The following ODR4 variants were observed in gnomAD, a reference collection of about 807,000 sequenced individuals.
ODR4 encodes odr-4 GPCR localization factor homolog.
Under a neutral mutation model 60.2 loss-of-function variants are expected in ODR4, and 47 were observed. The ratio of observed to expected loss-of-function variants is 0.78; its 90% CI spans 0.62 to 1.00. The LOEUF is 1.00. Among genes scored for constraint, ODR4 ranks in the 50% least tolerant of loss-of-function variants. The pLI, the probability that ODR4 is intolerant of heterozygous loss-of-function variation, is 0.00. For synonymous variants in ODR4, 178 were observed against 175.5 expected (o/e 1.01, Z -0.11); for missense variants, 488 against 530.8 (o/e 0.92, Z 0.79).
the ODR4 span, among the ~76,000 whole-genome samples, chr1:186,432,625 A>AT: frequency 1.1e-4 from 16 of 151,600 alleles, no homozygotes; most frequent in East Asian, 3.9e-4. Flanking sequence ...CTAGAAATCT[A>AT]TTTTTTTTGT....
At chr1:186,386,172 T>A (rs1198755607) in intron 4 of ODR4, 89 bp downstream of exon 4, 1 of 660,738 alleles carries the variant, frequency 1.5e-6, no homozygotes, top group Non-Finnish European at 2.3e-6. Flanking sequence ...CTAGGCATAT[T>A]TACATTTGTT....
intron 6 of ODR4, 87 bp from the exon 7 acceptor site, chr1:186,390,624 T>G: frequency 7.4e-7 from 1 of 1,356,914 alleles, no homozygotes; most frequent in Non-Finnish European, 1.0e-6. Flanking sequence ...ATGCGTTATT[T>G]AGGTTGTATA....
chr1:186,383,094 A>G lies in ODR4; in HGVS notation c.172A>G (p.Lys58Glu), dbSNP rs1369697313. The change falls in exon 3 of 14, where the codon AAA (lysine) becomes GAA (glutamate). Residue 58 changes from lysine (K) to glutamate (E), a missense_variant. Lys to Glu is a moderately conservative substitution (Grantham distance 56). Coordinates refer to ENST00000287859, the MANE Select transcript of ODR4 (RefSeq NM_017847.6). ...CAAAGAGGAGCAAAGTGAGAACCTC[A>G]AACATCCCAAAGCTAAGTTGGATAA... ...PPKEEQSENL[K>E]HPKAKLDNLD... 1 of 1,565,666 alleles carries G rather than the reference A, an allele frequency of 6.4e-7. No individual in the cohort carries two copies. Among genetic ancestry groups the G allele is most frequent in the South Asian group, 1.2e-5 (1 of 84,910 alleles).
intron 1 of ODR4, among the ~76,000 whole-genome samples, chr1:186,377,161 C>G (rs543315806): frequency 3.0e-4 from 45 of 152,118 alleles, no homozygotes; most frequent in Middle Eastern, 3.4e-3. Flanking sequence ...AATGTAAATG[C>G]TATAGTTGTT....
intron 4 of ODR4, 107 bp from the exon 5 acceptor site, chr1:186,388,335 G>C: frequency 1.6e-6 from 1 of 611,584 alleles, no homozygotes; most frequent in South Asian, 2.5e-5. Flanking sequence ...AAGAATCATG[G>C]AATTTTAAAG....
chr1:186,407,154 G>A lies in ODR4; in HGVS notation c.1186+886G>A, dbSNP rs114230556. ...AGAGCAATAAGCTTGTTTCAGTGGG[G>A]AAAATAAAATTTCTAAATTGCCCAA... On this transcript the variant is annotated intron_variant, in intron 12 of 13. Transcript: ENST00000287859. 8.8e-3 allele frequency among the ~76,000 whole-genome samples: 1,338 copies of A among 152,112 alleles called. 20 individuals are homozygous for A. Among genetic ancestry groups the A allele is most frequent in the South Asian group, 0.051 (244 of 4,812 alleles).
chr1:186,390,208 C>G (rs1249588395), intron 6 of ODR4, among the ~76,000 whole-genome samples: 1 of 152,140 alleles, frequency 6.6e-6, no homozygotes, highest in African/African-American at 2.4e-5. Flanking sequence ...TGACTGAGGA[C>G]TTTTGGTAGC....
chr1:186,396,147 C>T (rs898390870), intron 9 of ODR4, among the ~76,000 whole-genome samples: 4 of 152,270 alleles, frequency 2.6e-5, no homozygotes, highest in Middle Eastern at 3.4e-3. Flanking sequence ...AAATGGGGAT[C>T]TTCTCTTTTT....
In ODR4 at chr1:186,389,571, G is replaced by A. The variant is rs759964305; in HGVS notation, c.438-17G>A. 1 of 1,522,868 alleles carries A rather than the reference G, an allele frequency of 6.6e-7. No individual in the cohort carries two copies. The highest frequency in any genetic ancestry group is 8.9e-7 in the Non-Finnish European group (1 of 1,119,996). 94.3% of individuals were successfully genotyped at this position (1,522,868 alleles called of 1,614,324 possible). A position where few individuals can be genotyped will look rare whatever the true frequency, so the allele number is the denominator to read the frequency against. ...AATAATGCCTTTTTTGGTTATTTCTGTCCTTAATTAGTGAAGAATATTTTG... is the reference window on the plus strand; with the variant it reads ...AATAATGCCTTTTTTGGTTATTTCTATCCTTAATTAGTGAAGAATATTTTG... On this transcript the variant is annotated splice_polypyrimidine_tract_variant and intron_variant, in intron 5 of 13. Transcript: ENST00000287859.
At chr1:186,403,366 T>C (rs1474865809) in intron 11 of ODR4, among the ~76,000 whole-genome samples, 1 of 152,010 alleles carries the variant, frequency 6.6e-6, no homozygotes, top group African/African-American at 2.4e-5. Flanking sequence ...GAGTTATCCA[T>C]CCCCTGAAGC....
At chr1:186,391,836 G>A (rs1259774171) in intron 8 of ODR4, 45 bp downstream of exon 8, 6 of 1,195,004 alleles carry the variant, frequency 5.0e-6, no homozygotes, top group Non-Finnish European at 7.3e-6. Flanking sequence ...AGTGCTTAAG[G>A]AAAAATAAAA....
intron 12 of ODR4, among the ~76,000 whole-genome samples, chr1:186,416,051 G>A (rs1217701064): frequency 6.6e-6 from 1 of 151,982 alleles, no homozygotes; most frequent in African/African-American, 2.4e-5. Flanking sequence ...TAGGCTTTGT[G>A]AGCCGCATAA....
At chr1:186,384,582 C>T (rs1660175612) in intron 3 of ODR4, among the ~76,000 whole-genome samples, 1 of 151,786 alleles carries the variant, frequency 6.6e-6, no homozygotes, top group Non-Finnish European at 1.5e-5. Context: ...GACACACACA[C>T]ACACACACAC....
chr1:186,379,665 G>A, intron 1 of ODR4, 102 bp from the exon 2 acceptor site: 2 of 602,836 alleles, frequency 3.3e-6, no homozygotes, highest in East Asian at 5.7e-5. Context: ...GCATGAGATA[G>A]CCTCAGGATA....
At chr1:186,431,426 A>G in the ODR4 span, among the ~76,000 whole-genome samples, 1 of 152,208 alleles carries the variant, frequency 6.6e-6, no homozygotes, top group Non-Finnish European at 1.5e-5. Flanking sequence ...ATAGAAAAAA[A>G]TGAAGAGCAA....
downstream of ODR4, among the ~76,000 whole-genome samples, chr1:186,425,143 C>A (rs1661862221): frequency 6.6e-6 from 1 of 152,012 alleles, no homozygotes; most frequent in African/African-American, 2.4e-5. Context: ...AGTCTCATCT[C>A]AATATGACAT....
chr1:186,411,236 A>G (rs1171314800), intron 12 of ODR4, among the ~76,000 whole-genome samples: 4 of 152,064 alleles, frequency 2.6e-5, no homozygotes, highest in South Asian at 2.1e-4. Context: ...TTCAGAATTT[A>G]AAAAAATCTG....
rs1253737922 is a variant in ODR4 at position 186,417,629 on chromosome 1, G to A, written c.1272G>A (p.Met424Ile). 1 of 1,591,794 alleles carries A rather than the reference G, an allele frequency of 6.3e-7. No homozygotes were observed. Among genetic ancestry groups the A allele is most frequent in the Non-Finnish European group, 8.6e-7 (1 of 1,165,976 alleles). ...EQPKQPIKTTMLLKIQQNIGV... is the reference protein window; with the variant it reads ...EQPKQPIKTTILLKIQQNIGV... ...CAAAACAACCAATTAAAACTACAATGTTATTGAAAATTCAGCAAAACATAG... is the reference window on the plus strand; with the variant it reads ...CAAAACAACCAATTAAAACTACAATATTATTGAAAATTCAGCAAAACATAG... Residue 424 changes from methionine (M) to isoleucine (I), a missense_variant, in exon 13 of 14, where the codon ATG becomes ATA. Transcript: ENST00000287859.
rs548525565 is a variant in ODR4 at position 186,381,709 on chromosome 1, T to A, written c.100-1313T>A. 7.9e-5 allele frequency among the ~76,000 whole-genome samples: 12 copies of A among 152,332 alleles called. No homozygotes were observed. The South Asian group carries it at 2.1e-3, about 26-fold the overall frequency. Reference sequence around the variant, plus strand: ...AATTCATTCCTTTCAGTATTCTACGTGCTTTTTCTTCCAGAGTTCATTACT... The same window carrying A: ...AATTCATTCCTTTCAGTATTCTACGAGCTTTTTCTTCCAGAGTTCATTACT... On this transcript the variant is annotated intron_variant, in intron 2 of 13. Transcript: ENST00000287859.
Sources: gnomAD v4.1 joint callset for allele counts (sites outside exome capture counted in the v4.1 genomes callset) on GRCh38, gnomAD v4.1.1 for gene constraint, MANE v1.5 for transcripts, NCBI Gene and HGNC (gene_info 2026-07-23, HGNC 2026-07-21) for gene names.